PPP2R2A: variants seen among roughly 807,000 people sequenced by gnomAD.
The protein encoded by PPP2R2A is serine/threonine-protein phosphatase 2A 55 kDa regulatory subunit B alpha isoform.
PPP2R2A carries 9 observed loss-of-function variants against 53.2 expected under a neutral mutation model. The observed-to-expected ratio is 0.17, with a 90% CI of 0.10 to 0.30. The LOEUF (loss-of-function observed/expected upper bound fraction) is 0.30. Among genes scored for constraint, PPP2R2A ranks in the 10% least tolerant of loss-of-function variants. The pLI, the probability that PPP2R2A is intolerant of heterozygous loss-of-function variation, is 1.00. For synonymous variants in PPP2R2A, 169 were observed against 174.2 expected (o/e 0.97, Z 0.23); for missense variants, 235 against 534.6 (o/e 0.44, Z 5.53).
In PPP2R2A at chr8:26,293,649, A is replaced by G. The variant is rs1801409950; in HGVS notation, c.8-17A>G. ...TAAGCAGAACTCGGTTTTAATTGGT[A>G]TGTTTTCTTTTTCCAGGAGCTGGAG... is the stretch of plus-strand genomic sequence containing the variant. On this transcript the variant is annotated splice_polypyrimidine_tract_variant and intron_variant, in intron 1 of 9. Coordinates refer to ENST00000380737, the MANE Select transcript of PPP2R2A (RefSeq NM_002717.4). 2.5e-6 allele frequency: 4 copies of G among 1,607,072 alleles called. No individual in the cohort carries two copies. The highest frequency in any genetic ancestry group is 1.3e-5 in the African/African-American group (1 of 74,462).
At chr8:26,369,328 G>A (rs1186309414) in intron 9 of PPP2R2A, among the ~76,000 whole-genome samples, 14 of 150,704 alleles carry the variant, frequency 9.3e-5, no homozygotes, top group East Asian at 6.0e-4. Flanking sequence ...CCGGGTTCAA[G>A]GGATTCTCCT....
At chr8:26,298,936 A>G (rs1435821056) in intron 2 of PPP2R2A, among the ~76,000 whole-genome samples, 12 of 152,252 alleles carry the variant, frequency 7.9e-5, no homozygotes, top group Admixed American at 7.9e-4. Flanking sequence ...ATTATTAAAA[A>G]TTCAAATACA....
intron 2 of PPP2R2A, chr8:26,333,632 T>TA: frequency 1.3e-6 from 1 of 769,350 alleles, no homozygotes; most frequent in Non-Finnish European, 1.7e-6. Context: ...AATTATTTGT[T>TA]ACACCCATTT....
At chr8:26,311,330 T>G (rs535456242) in intron 2 of PPP2R2A, among the ~76,000 whole-genome samples, 1 of 152,274 alleles carries the variant, frequency 6.6e-6, no homozygotes, top group East Asian at 1.9e-4. Context: ...CAACTAGTTT[T>G]TGAGGTTTTG....
chr8:26,335,399 CGTA>C (rs1563305971), intron 2 of PPP2R2A, among the ~76,000 whole-genome samples: 1 of 152,044 alleles, frequency 6.6e-6, no homozygotes, highest in South Asian at 2.1e-4. Flanking sequence ...AACACCATGA[CGTA>C]GTGATATATT....
At chr8:26,316,675 C>T (rs1015674358) in intron 2 of PPP2R2A, among the ~76,000 whole-genome samples, 2 of 152,158 alleles carry the variant, frequency 1.3e-5, no homozygotes, top group African/African-American at 4.8e-5. Flanking sequence ...GCTGGGAAGT[C>T]CTAGATCAAG....
chr8:26,319,805 TTTTCA>T (rs779416007), intron 2 of PPP2R2A, among the ~76,000 whole-genome samples: 7 of 152,200 alleles, frequency 4.6e-5, no homozygotes, highest in Non-Finnish European at 8.8e-5. Context: ...ATGGAATGTC[TTTTCA>T]TTTATTTATG....
At chr8:26,297,369 A>G (rs1262169055) in intron 2 of PPP2R2A, among the ~76,000 whole-genome samples, 2 of 152,122 alleles carry the variant, frequency 1.3e-5, no homozygotes, top group Non-Finnish European at 2.9e-5. Flanking sequence ...CGGCCTCCCA[A>G]AGTGCTGAGA....
chr8:26,357,941 T>A (rs1461626571), intron 4 of PPP2R2A, among the ~76,000 whole-genome samples: 1 of 152,136 alleles, frequency 6.6e-6, no homozygotes, highest in Non-Finnish European at 1.5e-5. Flanking sequence ...GGAGTTTGAT[T>A]ATTCTCACAT....
chr8:26,331,420 T>TTA (rs1373090604), intron 2 of PPP2R2A, among the ~76,000 whole-genome samples: 1 of 152,234 alleles, frequency 6.6e-6, no homozygotes, highest in African/African-American at 2.4e-5. Context: ...ATCTTTTACT[T>TTA]TAACCTCTTG....
At chr8:26,330,313 T>C (rs1286184586) in intron 2 of PPP2R2A, among the ~76,000 whole-genome samples, 14 of 141,278 alleles carry the variant, frequency 9.9e-5, no homozygotes, top group African/African-American at 3.3e-4. Context: ...TTTTCTTTTT[T>C]TTTTTTTTTT....
chr8:26,302,670 G>C (rs923504125), intron 2 of PPP2R2A, among the ~76,000 whole-genome samples: 2 of 152,194 alleles, frequency 1.3e-5, no homozygotes, highest in African/African-American at 2.4e-5. Flanking sequence ...ATCTGAGTGA[G>C]GCTGGATTTT....
intron 2 of PPP2R2A, among the ~76,000 whole-genome samples, chr8:26,335,773 C>G (rs965059160): frequency 6.6e-6 from 1 of 152,118 alleles, no homozygotes; most frequent in Non-Finnish European, 1.5e-5. Context: ...GCTGTTTGGG[C>G]CAGTTGTTTC....
Position 26,371,543 on chromosome 8 carries a change from G to C in PPP2R2A, c.*1130G>C, listed in dbSNP as rs762224646. 2.0e-5 allele frequency: 3 copies of C among 152,004 alleles called. No individual in the cohort carries two copies. The highest frequency in any genetic ancestry group is 2.9e-5 in the Non-Finnish European group (2 of 67,982). The allele number at this position is 152,004 out of a possible 1,614,324, so 9.4% of individuals were successfully genotyped here. A position where few individuals can be genotyped will look rare whatever the true frequency, so the allele number is the denominator to read the frequency against. Reference sequence around the variant, plus strand: ...AAGACTTATAAAACATTTTTAACAAGTTAGAACTTTTTTGTTATTCAGTCA... The same window carrying C: ...AAGACTTATAAAACATTTTTAACAACTTAGAACTTTTTTGTTATTCAGTCA... On this transcript the variant is annotated 3_prime_UTR_variant, in exon 10 of 10. Transcript: ENST00000380737.
intron 2 of PPP2R2A, among the ~76,000 whole-genome samples, chr8:26,320,767 G>T (rs959644215): frequency 3.3e-5 from 5 of 152,140 alleles, no homozygotes; most frequent in Non-Finnish European, 7.4e-5. Flanking sequence ...AAAGAAAGCA[G>T]TTACTTAAAT....
chr8:26,362,984 T>A lies in PPP2R2A; in HGVS notation c.802+136T>A. On this transcript the variant is annotated intron_variant, in intron 7 of 9. Coordinates refer to ENST00000380737, the MANE Select transcript of PPP2R2A (RefSeq NM_002717.4). The surrounding 1 kb of genome is among the most constrained non-coding windows in gnomAD (Gnocchi z 4.4). ...CCAGAGCCACTTGTACCCTTGGTAA[T>A]CTGCCTACCTCCTCATGAGGCATTC... The A allele has an allele frequency of 5.4e-6, 4 of 741,312 alleles. No homozygotes were observed. The highest frequency in any genetic ancestry group is 8.6e-6 in the Non-Finnish European group (4 of 465,194). The allele number at this position is 741,312 out of a possible 1,614,324, so 45.9% of individuals were successfully genotyped here.
At position 26,338,814 on chromosome 8, in the gene PPP2R2A, A is replaced by G; in HGVS notation, c.83-76A>G. On this transcript the variant is annotated intron_variant, in intron 2 of 9. Coordinates refer to ENST00000380737, the MANE Select transcript of PPP2R2A (RefSeq NM_002717.4). This position sits in a 1 kb window ranked among gnomAD's most constrained non-coding sequence, Gnocchi z 4.5. ...TTCATAGACTTGGAATGTTTGGGAAAACACGCTAAGTTCTGAAACTAGTGA... is the reference window on the plus strand; with the variant it reads ...TTCATAGACTTGGAATGTTTGGGAAGACACGCTAAGTTCTGAAACTAGTGA... 2 of 1,006,126 alleles carry G rather than the reference A, an allele frequency of 2.0e-6. No homozygotes were observed. The highest frequency in any genetic ancestry group is 3.1e-5 in the South Asian group (2 of 64,610). 62.3% of individuals were successfully genotyped at this position (1,006,126 alleles called of 1,614,324 possible). A position where few individuals can be genotyped will look rare whatever the true frequency, so the allele number is the denominator to read the frequency against.
intron 6 of PPP2R2A, among the ~76,000 whole-genome samples, chr8:26,361,679 A>G (rs1805090776): frequency 6.6e-6 from 1 of 151,858 alleles, no homozygotes; most frequent in Admixed American, 6.6e-5. Context: ...AAATAGTCTC[A>G]CCTGGCTGCG....
At chr8:26,355,602 C>G (rs372619881) in intron 4 of PPP2R2A, among the ~76,000 whole-genome samples, 1 of 152,086 alleles carries the variant, frequency 6.6e-6, no homozygotes, top group African/African-American at 2.4e-5. Flanking sequence ...TGGTGGCTCA[C>G]GCCTGTAATC....
Sources: gnomAD v4.1 joint callset for allele counts (sites outside exome capture counted in the v4.1 genomes callset) on GRCh38, gnomAD v4.1.1 for gene constraint, Gnocchi (gnomAD v3.1) non-coding constraint, MANE v1.5 for transcripts, NCBI Gene and HGNC (gene_info 2026-07-23, HGNC 2026-07-21) for gene names.